Variants in PKIG observed in about 807,000 individuals in gnomAD.
PKIG encodes cAMP-dependent protein kinase inhibitor gamma.
Under a neutral mutation model 6.8 loss-of-function variants are expected in PKIG, and 1 was observed. The observed-to-expected ratio is 0.15, with a 90% CI of 0.05 to 0.69. PKIG has a LOEUF of 0.69. Among genes scored for constraint, PKIG ranks in the 30% least tolerant of loss-of-function variants. PKIG has a pLI of 0.82. For synonymous variants in PKIG, 39 were observed against 43.0 expected (o/e 0.91, Z 0.36); for missense variants, 77 against 104.0 (o/e 0.74, Z 1.13).
At chr20:44,560,664 T>G (rs2064758493) in intron 1 of PKIG, among the ~76,000 whole-genome samples, 1 of 152,208 alleles carries the variant, frequency 6.6e-6, no homozygotes, top group Non-Finnish European at 1.5e-5. Flanking sequence ...CCTAAGGGCA[T>G]AAGAGGGAAC....
chr20:44,593,364 A>AACACACACAC (rs55947972), intron 2 of PKIG, among the ~76,000 whole-genome samples: 10 of 132,542 alleles, frequency 7.5e-5, no homozygotes, highest in East Asian at 2.3e-4. Context: ...TATAATAATC[A>AACACACACAC]ACACACACAC....
chr20:44,616,218 G>A (rs1462522879), intron 3 of PKIG, among the ~76,000 whole-genome samples: 2 of 152,042 alleles, frequency 1.3e-5, no homozygotes, highest in East Asian at 1.9e-4. Flanking sequence ...TTCCCTGACC[G>A]CAGTACCCCT....
intron 1 of PKIG, among the ~76,000 whole-genome samples, chr20:44,555,145 A>G (rs1004732085): frequency 4.6e-5 from 7 of 152,238 alleles, no homozygotes; most frequent in Admixed American, 2.0e-4. Flanking sequence ...TTCTTAAAGA[A>G]AAAAGAAAAG....
chr20:44,540,184 C>G (rs373865124), intron 1 of PKIG, among the ~76,000 whole-genome samples: 10 of 152,204 alleles, frequency 6.6e-5, no homozygotes, highest in East Asian at 1.9e-4. Context: ...TGGTCTTGAA[C>G]TCCTGACCTC....
At chr20:44,586,859 A>G (rs1290516049) in intron 1 of PKIG, among the ~76,000 whole-genome samples, 1 of 152,222 alleles carries the variant, frequency 6.6e-6, no homozygotes, top group African/African-American at 2.4e-5. Flanking sequence ...TGAATTGCAG[A>G]TTAGAACACA....
chr20:44,606,260 G>T (rs562759240), intron 2 of PKIG, among the ~76,000 whole-genome samples: 1 of 152,292 alleles, frequency 6.6e-6, no homozygotes, highest in East Asian at 1.9e-4. Flanking sequence ...AGATGCTCAG[G>T]TTCACTCCTA....
chr20:44,552,982 ATACCACC>A (rs1265547165), intron 1 of PKIG, among the ~76,000 whole-genome samples: 3 of 152,130 alleles, frequency 2.0e-5, no homozygotes, highest in Non-Finnish European at 4.4e-5. Context: ...TATATAATGT[ATACCACC>A]TGTTATTTGT....
At chr20:44,577,715 C>A (rs4812839), upstream of PKIG, among the ~76,000 whole-genome samples, 3,329 of 152,266 alleles carry the variant, frequency 0.022, 179 homozygotes, top group Admixed American at 0.14. Context: ...ACAGCTGAAA[C>A]CTGCCTTTGA....
chr20:44,580,209 C>A (rs1355882580), upstream of PKIG, among the ~76,000 whole-genome samples: 3 of 152,126 alleles, frequency 2.0e-5, no homozygotes, highest in Admixed American at 6.5e-5. Context: ...GGCTGTTATT[C>A]TTCTCATTTT....
intron 1 of PKIG, among the ~76,000 whole-genome samples, chr20:44,543,308 A>C (rs1256279541): frequency 6.6e-6 from 1 of 152,166 alleles, no homozygotes; most frequent in Non-Finnish European, 1.5e-5. Context: ...GCACACTTAT[A>C]CAGTAAACTT....
At chr20:44,539,580 G>A (rs911012035) in intron 1 of PKIG, among the ~76,000 whole-genome samples, 5 of 151,710 alleles carry the variant, frequency 3.3e-5, no homozygotes, top group African/African-American at 9.7e-5. Flanking sequence ...CACCACGCCC[G>A]GCTGATTTTT....
chr20:44,587,881 C>T (rs1404180242), intron 1 of PKIG, among the ~76,000 whole-genome samples: 7 of 152,158 alleles, frequency 4.6e-5, no homozygotes, highest in East Asian at 1.9e-4. Flanking sequence ...TTAGAGCCTG[C>T]GGCCATCATT....
At position 44,614,651 on chromosome 20, in the gene PKIG, C is replaced by T. The variant is rs757613803; in HGVS notation, c.95C>T (p.Ala32Val). 10 of 1,613,950 alleles carry T rather than the reference C, an allele frequency of 6.2e-6. No homozygotes were observed. Among genetic ancestry groups the T allele is most frequent in the Non-Finnish European group, 8.5e-7 (1 of 1,180,028 alleles). The change falls in exon 3 of 4, where the codon GCT becomes GTT. Residue 32 changes from alanine to valine, a missense_variant. By Grantham distance (64) the Ala-to-Val change is moderately conservative (BLOSUM62 0). Transcript: ENST00000372886. The surrounding 1 kb of genome is among the most constrained non-coding windows in gnomAD (Gnocchi z 4.6). ...AVPDIQGDSE[A>V]VSVRKLAGDM... ...CCTGACATCCAGGGAGACTCAGAGG[C>T]TGTGAGCGTGAGGAAGCTGGCTGGA... is the stretch of plus-strand genomic sequence containing the variant.
chr20:44,615,946 A>C (rs1282796865), intron 3 of PKIG, among the ~76,000 whole-genome samples: 2 of 151,650 alleles, frequency 1.3e-5, no homozygotes, highest in South Asian at 4.2e-4. Flanking sequence ...ACGGAACCCC[A>C]CCCCAAAAGC....
intron 1 of PKIG, among the ~76,000 whole-genome samples, chr20:44,541,604 A>C (rs1374289563): frequency 6.6e-6 from 1 of 152,110 alleles, no homozygotes; most frequent in Non-Finnish European, 1.5e-5. Flanking sequence ...TATTATTTTT[A>C]ATTGGCTTAT....
At chr20:44,591,459 G>C (rs2065032702) in intron 2 of PKIG, among the ~76,000 whole-genome samples, 1 of 152,124 alleles carries the variant, frequency 6.6e-6, no homozygotes, top group Non-Finnish European at 1.5e-5. Flanking sequence ...CTAAGGGACT[G>C]AGAGAGTTCC....
At chr20:44,615,566 G>C (rs1454304770) in intron 3 of PKIG, among the ~76,000 whole-genome samples, 2 of 147,296 alleles carry the variant, frequency 1.4e-5, no homozygotes, top group Admixed American at 6.9e-5. Context: ...CAGTCAGCCT[G>C]GGAATTTCCT....
At position 44,557,520 on chromosome 20, in the gene PKIG, C is replaced by CCA. The variant is rs757925721; in HGVS notation, c.-240-25065_-240-25064insCA. Among the ~76,000 whole-genome samples, 13 of 63,548 alleles carry CCA rather than the reference C, an allele frequency of 2.0e-4. No individual in the cohort carries two copies. In the South Asian group the frequency reaches 5.1e-3, roughly 25 times the overall value. 41.7% of individuals were successfully genotyped at this position (63,548 alleles called of 152,430 possible). On this transcript the variant is annotated intron_variant, in intron 1 of 4. Coordinates refer to the PKIG transcript ENST00000372887. ...CAGCTGGGTGACAGGTGACAGGTGA[C>CCA]AAAAAAAAAAAAAAAAAAGGCCAGG...
At chr20:44,548,332 G>A (rs997006891) in intron 1 of PKIG, among the ~76,000 whole-genome samples, 17 of 152,056 alleles carry the variant, frequency 1.1e-4, no homozygotes, top group African/African-American at 3.4e-4. Context: ...AGGTTTTTTC[G>A]GGAGTCAAGC....
Sources: allele counts gnomAD v4.1 joint callset (sites outside exome capture counted in the v4.1 genomes callset), GRCh38; gene constraint gnomAD v4.1.1; non-coding constraint Gnocchi (gnomAD v3.1); transcripts MANE v1.5; gene names NCBI Gene and HGNC (gene_info 2026-07-23, HGNC 2026-07-21).